ERI2: variants seen among roughly 807,000 people sequenced by gnomAD.
ERI2 encodes ERI1 exoribonuclease family member 2.
ERI2 carries 35 observed loss-of-function variants against 46.8 expected under a neutral mutation model. The ratio of observed to expected loss-of-function variants is 0.75; its 90% CI spans 0.57 to 0.99. ERI2 has a LOEUF of 0.99. Among genes scored for constraint, ERI2 ranks in the 50% least tolerant of loss-of-function variants. The pLI is 0.00. For synonymous variants in ERI2, 224 were observed against 271.0 expected, an observed-to-expected ratio of 0.83 and a Z score of 1.70; for missense variants, 695 against 796.2, an observed-to-expected ratio of 0.87 and a Z score of 1.53.
Position 20,797,768 on chromosome 16 carries a change from A to G in ERI2, c.2032T>C (p.Ser678Pro), listed in dbSNP as rs1465426097. The change falls in exon 9 of 9, where the codon TCC (serine) becomes CCC (proline). Residue 678 changes from serine (S) to proline (P), a missense_variant. Transcript: ENST00000357967. The part of the protein sequence containing the change: ...SHICDRNLSI[S>P]TKNSLRLRPS... ...CTGAGTCTCAAAGAATTTTTGGTGG[A>G]AATACTTAAATTTCTGTCACAAATA... 29 of 1,549,860 alleles carry G rather than the reference A, an allele frequency of 1.9e-5. No homozygotes were observed. The highest frequency in any genetic ancestry group is 2.4e-5 in the Non-Finnish European group (27 of 1,146,414).
downstream of ERI2, among the ~76,000 whole-genome samples, chr16:20,794,749 ATC>A (rs1260552307): frequency 6.6e-6 from 1 of 152,182 alleles, no homozygotes; most frequent in Non-Finnish European, 1.5e-5. Context: ...AATCATCATA[ATC>A]TCTTTTACAG....
intron 10 of ERI2, chr16:20,780,857 G>A: frequency 1.2e-6 from 2 of 1,614,152 alleles, no homozygotes; most frequent in Middle Eastern, 1.6e-4. Flanking sequence ...GTAAATGGAA[G>A]GTATACTTTC....
rs147005302 is a variant in ERI2, at chr16:20,781,913, C to T, written c.895-1179G>A. 4.0e-4 allele frequency: 273 copies of T among 676,540 alleles called. 1 individual carries two copies. The African/African-American group carries it at 4.6e-3, about 11-fold the overall frequency. The allele number at this position is 676,540 out of a possible 1,614,324, so 41.9% of individuals were successfully genotyped here. A position where few individuals can be genotyped will look rare whatever the true frequency, so the allele number is the denominator to read the frequency against. ...GACACAGGATTTAGCAATCTCTCCT[C>T]TTCCTCTTTCTCCTTCTTGCCTGCA... On this transcript the variant is annotated intron_variant, in intron 10 of 10. Coordinates refer to the ERI2 transcript ENST00000300005.
chr16:20,790,459 A>G lies in ERI2; in HGVS notation c.815+391T>C, dbSNP rs1010947020. 7.1e-6 allele frequency: 6 copies of G among 846,004 alleles called. No individual in the cohort carries two copies. The South Asian group carries it at 8.7e-5, about 12-fold the overall frequency. 52.4% of individuals were successfully genotyped at this position (846,004 alleles called of 1,614,324 possible). ...GTGACAAAGTGAGACCTTGTCTCAC[A>G]CACACAAAATTTTTTTTAAGTCTTC... On this transcript the variant is annotated intron_variant, in intron 9 of 10. Coordinates refer to the ERI2 transcript ENST00000300005. This position sits in a 1 kb window ranked among gnomAD's most constrained non-coding sequence, Gnocchi z 4.0.
Position 20,790,595 on chromosome 16 carries a change from T to A in ERI2, c.815+255A>T. 1 of 1,613,808 alleles carries A rather than the reference T, an allele frequency of 6.2e-7. No individual in the cohort carries two copies. Among genetic ancestry groups the A allele is most frequent in the Non-Finnish European group, 8.5e-7 (1 of 1,179,670 alleles). ...GTTCTATTTTATCCTAGATTGTAGA[T>A]GTAAATGGCAATGTTCTACCTCCTG... On this transcript the variant is annotated intron_variant, in intron 9 of 10. Transcript: ENST00000300005. The surrounding 1 kb of genome is among the most constrained non-coding windows in gnomAD (Gnocchi z 4.0).
downstream of ERI2, among the ~76,000 whole-genome samples, chr16:20,794,545 TG>T (rs1249027431): frequency 3.9e-5 from 6 of 152,222 alleles, no homozygotes; most frequent in East Asian, 9.6e-4. Flanking sequence ...TCATATTGAA[TG>T]GCACAGCCAT....
At chr16:20,804,491 C>T (rs1157551723) in intron 1 of ERI2, among the ~76,000 whole-genome samples, 21 of 151,882 alleles carry the variant, frequency 1.4e-4, no homozygotes, top group Non-Finnish European at 1.5e-5. Context: ...ATGGTGAAAC[C>T]CCGTCTCTAC....
chr16:20,799,221 G>A, intron 8 of ERI2, 42 bp downstream of exon 8: 1 of 1,603,516 alleles, frequency 6.2e-7, no homozygotes, highest in Admixed American at 1.7e-5. Context: ...GACTGTTTAT[G>A]AAGTTTGAGA....
chr16:20,783,679 AG>A (rs2080403632), intron 10 of ERI2: 1 of 152,230 alleles, frequency 6.6e-6, no homozygotes, highest in South Asian at 2.1e-4. Context: ...AAAAATACAT[AG>A]TGAAAAGTCT....
chr16:20,804,503 A>T (rs1466102572), intron 1 of ERI2, among the ~76,000 whole-genome samples: 1 of 152,012 alleles, frequency 6.6e-6, no homozygotes, highest in Non-Finnish European at 1.5e-5. Flanking sequence ...CGTCTCTACA[A>T]AAATTATAAA....
intron 10 of ERI2, chr16:20,786,345 A>G (rs1331560276): frequency 1.3e-5 from 16 of 1,229,218 alleles, no homozygotes; most frequent in South Asian, 3.6e-5. Flanking sequence ...TTATTTTGCA[A>G]ATACCCATAT....
intron 1 of ERI2, among the ~76,000 whole-genome samples, chr16:20,805,086 C>G (rs184513589): frequency 1.3e-5 from 2 of 152,048 alleles, no homozygotes; most frequent in Non-Finnish European, 2.9e-5. Context: ...ATATGCACAG[C>G]GCATCCAGGA....
intron 10 of ERI2, chr16:20,785,210 T>G: frequency 6.8e-7 from 1 of 1,471,034 alleles, no homozygotes; most frequent in Non-Finnish European, 9.2e-7. Flanking sequence ...GGATAGGAGT[T>G]GAGTGGTTAG....
chr16:20,784,543 A>G (rs938738446), intron 10 of ERI2: 14 of 153,882 alleles, frequency 9.1e-5, no homozygotes, highest in Admixed American at 2.6e-4. Context: ...CTAAAATTGG[A>G]ATGATACAGA....
chr16:20,803,638 G>C lies in ERI2; in HGVS notation c.56C>G (p.Ala19Gly), dbSNP rs377153198. 5 of 1,613,896 alleles carry C rather than the reference G, an allele frequency of 3.1e-6. No homozygotes were observed. Among genetic ancestry groups the C allele is most frequent in the African/African-American group, 2.7e-5 (2 of 74,908 alleles). ...QLGLIRRKSIAPANGNLGRSK... is the reference protein window; with the variant it reads ...QLGLIRRKSIGPANGNLGRSK... ...TCTTCCGAGATTTCCATTTGCTGGC[G>C]CAATTGACTTTCTCCTAATTAATCC... Residue 19 changes from alanine (A) to glycine (G), a missense_variant, in exon 2 of 9, where the codon GCG becomes GGG. Physicochemically the swap from Ala to Gly is moderately conservative, Grantham distance 60 (BLOSUM62 0). Coordinates refer to ENST00000357967, the MANE Select transcript of ERI2 (RefSeq NM_001142725.2).
Position 20,803,637 on chromosome 16 carries a change from C to T in ERI2, c.57G>A (p.Ala19=), listed in dbSNP as rs200126817. 2.3e-4 allele frequency: 367 copies of T among 1,613,962 alleles called. No individual in the cohort carries two copies. The highest frequency in any genetic ancestry group is 3.0e-4 in the Non-Finnish European group (355 of 1,179,998). Residue 19 remains alanine (A), a synonymous_variant, in exon 2 of 9, where the codon GCG becomes GCA. Coordinates refer to ENST00000357967, the MANE Select transcript of ERI2 (RefSeq NM_001142725.2). ...QLGLIRRKSI[A]PANGNLGRSK... is the part of the protein sequence containing the mutation. ...TTCTTCCGAGATTTCCATTTGCTGGCGCAATTGACTTTCTCCTAATTAATC... is the reference window on the plus strand; with the variant it reads ...TTCTTCCGAGATTTCCATTTGCTGGTGCAATTGACTTTCTCCTAATTAATC...
chr16:20,797,719 G>A lies in ERI2; in HGVS notation c.*5C>T. ...GAACAATTAGGATTCATACATGAAAGGTTATCAATTCCTCATTGAAGGCCT... is the reference window on the plus strand; with the variant it reads ...GAACAATTAGGATTCATACATGAAAAGTTATCAATTCCTCATTGAAGGCCT... On this transcript the variant is annotated 3_prime_UTR_variant, in exon 9 of 9. Transcript: ENST00000357967. 1 of 1,533,898 alleles carries A rather than the reference G, an allele frequency of 6.5e-7. No individual in the cohort carries two copies.
Position 20,798,526 on chromosome 16 carries a change from C to A in ERI2, c.1274G>T (p.Cys425Phe). ...GTCTGAGTCACTAATGGGAACTGTA[C>A]AGTCTACGTTTTCCTCAGGCTGAGA... is the stretch of plus-strand genomic sequence containing the variant. Reference protein sequence around the residue: ...PASQPEENVDCTVPISDSDLE... With the variant: ...PASQPEENVDFTVPISDSDLE... The change falls in exon 9 of 9, where the codon TGT (cysteine) becomes TTT (phenylalanine). Residue 425 changes from cysteine (C) to phenylalanine (F), a missense_variant. Physicochemically the swap from Cys to Phe is radical, Grantham distance 205. Coordinates refer to ENST00000357967, the MANE Select transcript of ERI2 (RefSeq NM_001142725.2). 6.4e-7 allele frequency: 1 copy of A among 1,551,578 alleles called. No homozygotes were observed. Among genetic ancestry groups the A allele is most frequent in the Non-Finnish European group, 8.7e-7 (1 of 1,146,898 alleles).
chr16:20,799,344 G>A lies in ERI2; in HGVS notation c.651C>T (p.Asp217=), dbSNP rs375189532. Residue 217 remains aspartate (D), a synonymous_variant, in exon 8 of 9, where the codon GAC becomes GAT. Transcript: ENST00000357967. ...EFSGREHSGL[D]DSRNTALLAW... ...CAAGAAGGGCAGTATTCCGAGAATC[G>A]TCCAACCCTGAGGATACAGATATCA... The A allele has an allele frequency of 3.1e-6, 5 of 1,613,312 alleles. No individual in the cohort carries two copies. The highest frequency in any genetic ancestry group is 2.7e-5 in the African/African-American group (2 of 74,832).
Sources: allele counts gnomAD v4.1 joint callset (sites outside exome capture counted in the v4.1 genomes callset), GRCh38; gene constraint gnomAD v4.1.1; non-coding constraint Gnocchi (gnomAD v3.1); transcripts MANE v1.5; gene names NCBI Gene and HGNC (gene_info 2026-07-23, HGNC 2026-07-21).